The following NEDD4 variants were observed in gnomAD, a reference collection of about 807,000 sequenced individuals.
NEDD4 encodes the protein E3 ubiquitin-protein ligase NEDD4.
In NEDD4, 99 loss-of-function variants were observed where a neutral mutation model predicts 144.9. The ratio of observed to expected loss-of-function variants is 0.68; its 90% CI spans 0.58 to 0.81. The LOEUF (loss-of-function observed/expected upper bound fraction) is 0.81, where lower values mean the gene tolerates loss of function less well. NEDD4 is among the 30% of genes least tolerant of loss of function. The probability of loss-of-function intolerance (pLI) is 0.00; values close to 1 mark genes in which losing one functional copy is unlikely to be tolerated. For missense variants in NEDD4, 985 were observed against 1,065.9 expected (o/e 0.92, Z 1.06); for synonymous variants, 318 against 350.6 (o/e 0.91, Z 1.04).
intron 27 of NEDD4, among the ~76,000 whole-genome samples, chr15:55,832,336 G>A (rs184275552): frequency 5.5e-4 from 84 of 152,224 alleles, no homozygotes; most frequent in Non-Finnish European, 1.0e-3. Context: ...CCATGACTCT[G>A]TTTTTATTTT....
intron 4 of NEDD4, among the ~76,000 whole-genome samples, chr15:55,944,530 G>A (rs1186104422): frequency 6.6e-6 from 1 of 152,232 alleles, no homozygotes; most frequent in Non-Finnish European, 1.5e-5. Flanking sequence ...AAGGCCTACT[G>A]CCTATATAGA....
intron 26 of NEDD4, 133 bp downstream of exon 26, chr15:55,833,905 G>T: frequency 1.5e-6 from 1 of 668,652 alleles, no homozygotes; most frequent in Non-Finnish European, 2.5e-6. Context: ...TAAAATCAAA[G>T]ATAATTTTTT....
At chr15:55,861,661 T>C (rs1052996558) in intron 9 of NEDD4, among the ~76,000 whole-genome samples, 1 of 152,094 alleles carries the variant, frequency 6.6e-6, no homozygotes, top group Non-Finnish European at 1.5e-5. Context: ...CACAAACATA[T>C]ATACCTACTA....
At chr15:55,898,910 G>C (rs1267524996) in intron 5 of NEDD4, among the ~76,000 whole-genome samples, 9 of 151,978 alleles carry the variant, frequency 5.9e-5, no homozygotes, top group Admixed American at 5.9e-4. Context: ...CTAAGTGCTG[G>C]GCTTACAGGC....
chr15:55,964,096 G>A (rs897110173), intron 2 of NEDD4, among the ~76,000 whole-genome samples: 1 of 151,970 alleles, frequency 6.6e-6, no homozygotes, highest in African/African-American at 2.4e-5. Flanking sequence ...TGTTCTTAAT[G>A]TTTATTATCC....
intron 5 of NEDD4, among the ~76,000 whole-genome samples, chr15:55,885,371 C>A (rs2035349024): frequency 6.6e-6 from 1 of 152,120 alleles, no homozygotes; most frequent in South Asian, 2.1e-4. Flanking sequence ...ACAAATTTCA[C>A]TGGTAACAGT....
At chr15:55,983,890 T>C (rs35836088) in intron 1 of NEDD4, among the ~76,000 whole-genome samples, 9,366 of 152,140 alleles carry the variant, frequency 0.062, 371 homozygotes, top group East Asian at 0.16. Context: ...GGATTACAGG[T>C]GTGAGCCACT....
intron 4 of NEDD4, among the ~76,000 whole-genome samples, chr15:55,938,260 G>A (rs2036929762): frequency 6.6e-6 from 1 of 152,226 alleles, no homozygotes; most frequent in African/African-American, 2.4e-5. Context: ...TCAGGAAGCT[G>A]AGGCAGGAGA....
rs559990121 is a variant in NEDD4 at position 55,924,539 on chromosome 15, C to G, written c.291+107G>C. 8 of 938,086 alleles carry G rather than the reference C, an allele frequency of 8.5e-6. No homozygotes were observed. The African/African-American group carries it at 1.3e-4, about 16-fold the overall frequency. The allele number at this position is 938,086 out of a possible 1,614,324, so 58.1% of individuals were successfully genotyped here. The stretch of plus-strand genomic sequence containing the variant: ...CCATTTTGCCCAGAGTCTCCATAAC[C>G]ACCCCCAAGCCATCACTCAAATCCC... On this transcript the variant is annotated intron_variant, in intron 5 of 28. Transcript: ENST00000435532.
chr15:55,838,226 A>G, intron 22 of NEDD4, 46 bp from the exon 23 acceptor site: 1 of 1,346,200 alleles, frequency 7.4e-7, no homozygotes, highest in African/African-American at 1.5e-5. Flanking sequence ...AGCGAGAAAA[A>G]TTTAAAAAGT....
In NEDD4 at chr15:55,966,547, C is replaced by T; in HGVS notation, c.46-1G>A. The T allele has an allele frequency of 2.0e-6, 3 of 1,506,110 alleles. No individual in the cohort carries two copies. The highest frequency in any genetic ancestry group is 2.7e-6 in the Non-Finnish European group (3 of 1,127,216). 93.3% of individuals were successfully genotyped at this position (1,506,110 alleles called of 1,614,324 possible). A position where few individuals can be genotyped will look rare whatever the true frequency, so the allele number is the denominator to read the frequency against. ...TTACTCTCACAATTCGTGAATTTTC[C>T]TAAAATACAAAAATTTAGATTTCAT... On this transcript the variant is annotated splice_acceptor_variant, in intron 1 of 28. Coordinates refer to ENST00000435532, the MANE Select transcript of NEDD4 (RefSeq NM_006154.4). LOFTEE classifies it high-confidence loss of function.
At chr15:55,868,965 A>G (rs2034680211) in intron 8 of NEDD4, among the ~76,000 whole-genome samples, 2 of 152,190 alleles carry the variant, frequency 1.3e-5, no homozygotes, top group African/African-American at 2.4e-5. Context: ...CTAGGATTCC[A>G]GTCTCCAAAC....
At chr15:55,892,298 AAATAAATAAATAAATAAATAAAT>A (rs1227636486) in intron 5 of NEDD4, among the ~76,000 whole-genome samples, 6 of 148,276 alleles carry the variant, frequency 4.0e-5, no homozygotes, top group Admixed American at 1.4e-4. Context: ...ATAAATAAAT[AAATAAATAAATAAATAAATAAAT>A]AATAAATATG....
At chr15:55,904,170 A>G (rs2036009413) in intron 5 of NEDD4, among the ~76,000 whole-genome samples, 1 of 152,128 alleles carries the variant, frequency 6.6e-6, no homozygotes, top group Admixed American at 6.5e-5. Context: ...AGAAAAGAAT[A>G]TATCAAGGTT....
chr15:55,966,488 T>C lies in NEDD4; in HGVS notation c.104A>G (p.Asp35Gly), dbSNP rs777010552. Residue 35 changes from aspartate to glycine, a missense_variant, in exon 2 of 29, where the codon GAT (aspartate) becomes GGT (glycine). Coordinates refer to ENST00000435532, the MANE Select transcript of NEDD4 (RefSeq NM_006154.4). ...ATATACTTACCTAGCTCCCAATATA[T>C]CCTTCTTGGCAAGGCCTATTCCGGC... ...VIAGIGLAKK[D>G]ILGASDPYVR... 1.3e-6 allele frequency: 2 copies of C among 1,531,230 alleles called. No individual in the cohort carries two copies. The highest frequency in any genetic ancestry group is 2.5e-5 in the South Asian group (2 of 79,532). 94.9% of individuals were successfully genotyped at this position (1,531,230 alleles called of 1,614,324 possible).
intron 5 of NEDD4, among the ~76,000 whole-genome samples, chr15:55,911,599 G>T (rs947067035): frequency 1.5e-4 from 23 of 151,090 alleles, no homozygotes; most frequent in African/African-American, 5.6e-4. Context: ...GCGCGATCTC[G>T]ACTCACTGCA....
chr15:55,887,232 CAA>C (rs2035424410), intron 5 of NEDD4, among the ~76,000 whole-genome samples: 1 of 151,454 alleles, frequency 6.6e-6, no homozygotes, highest in South Asian at 2.1e-4. Context: ...AAAAGATAAA[CAA>C]AATTAACAAA....
At chr15:55,983,934 A>G (rs141797053) in intron 1 of NEDD4, among the ~76,000 whole-genome samples, 72 of 152,042 alleles carry the variant, frequency 4.7e-4, no homozygotes, top group African/African-American at 1.6e-3. Flanking sequence ...TTCATCTTAC[A>G]CTGTTTTCCT....
chr15:55,908,032 T>G (rs1201226942), intron 5 of NEDD4, among the ~76,000 whole-genome samples: 3 of 152,140 alleles, frequency 2.0e-5, no homozygotes, highest in Non-Finnish European at 4.4e-5. Flanking sequence ...ACGCAAAGGA[T>G]GAAGCATCAC....
Sources: allele counts gnomAD v4.1 joint callset (sites outside exome capture counted in the v4.1 genomes callset), GRCh38; gene constraint gnomAD v4.1.1; transcripts MANE v1.5; gene names NCBI Gene and HGNC (gene_info 2026-07-23, HGNC 2026-07-21).